The following ARL15 variants were observed in gnomAD, a reference collection of about 807,000 sequenced individuals.
The protein encoded by ARL15 is ADP-ribosylation factor-like protein 15.
Under a neutral mutation model 25.2 loss-of-function variants are expected in ARL15, and 19 were observed. The observed-to-expected ratio is 0.75, with a 90% confidence interval of 0.53 to 1.10. The LOEUF (loss-of-function observed/expected upper bound fraction) is 1.10. Among genes scored for constraint, ARL15 ranks in the 50% least tolerant of loss-of-function variants. The pLI, the probability that ARL15 is intolerant of heterozygous loss-of-function variation, is 0.00. For synonymous variants in ARL15, 94 were observed against 86.8 expected (o/e 1.08, Z -0.46); for missense variants, 220 against 246.0 (o/e 0.89, Z 0.71).
intron 4 of ARL15, among the ~76,000 whole-genome samples, chr5:53,906,783 G>C (rs895225887): frequency 3.9e-5 from 6 of 152,088 alleles, no homozygotes; most frequent in African/African-American, 1.2e-4. Context: ...CATTTGTGCT[G>C]CATCATAGAT....
chr5:53,973,820 G>A (rs1043357909), intron 4 of ARL15, among the ~76,000 whole-genome samples: 17 of 151,828 alleles, frequency 1.1e-4, no homozygotes, highest in Non-Finnish European at 2.4e-4. Flanking sequence ...TTCTGTGAGC[G>A]GGCAATTTTA....
chr5:53,962,561 G>A (rs1341719040), intron 4 of ARL15, among the ~76,000 whole-genome samples: 1 of 152,090 alleles, frequency 6.6e-6, no homozygotes, highest in Non-Finnish European at 1.5e-5. Flanking sequence ...GAATCAGCTT[G>A]TAAAACCTCA....
chr5:54,105,318 T>A (rs531120614), intron 4 of ARL15, among the ~76,000 whole-genome samples: 1 of 152,110 alleles, frequency 6.6e-6, no homozygotes, highest in South Asian at 2.1e-4. Flanking sequence ...AATGAAATGC[T>A]AATTTTTATA....
chr5:54,211,353 C>A (rs1437475137), intron 1 of ARL15, among the ~76,000 whole-genome samples: 1 of 151,906 alleles, frequency 6.6e-6, no homozygotes. Flanking sequence ...CCCTACTCAC[C>A]GAGTGAAAGC....
chr5:53,969,138 G>T (rs779448872), intron 4 of ARL15, among the ~76,000 whole-genome samples: 1 of 151,998 alleles, frequency 6.6e-6, no homozygotes, highest in Non-Finnish European at 1.5e-5. Context: ...GTGACAGAGC[G>T]AGATTCCATC....
chr5:54,229,701 G>A (rs997747528), intron 1 of ARL15, among the ~76,000 whole-genome samples: 5 of 152,078 alleles, frequency 3.3e-5, no homozygotes, highest in African/African-American at 1.2e-4. Context: ...ATTGTTATTC[G>A]GAAGAAGGAG....
intron 1 of ARL15, among the ~76,000 whole-genome samples, chr5:54,211,919 T>G (rs1488761584): frequency 6.6e-6 from 1 of 152,022 alleles, no homozygotes; most frequent in Non-Finnish European, 1.5e-5. Context: ...AAAGAGTAAT[T>G]TGAGTAGGAA....
intron 1 of ARL15, among the ~76,000 whole-genome samples, chr5:54,243,625 G>A (rs1423065987): frequency 6.6e-6 from 1 of 152,194 alleles, no homozygotes; most frequent in Non-Finnish European, 1.5e-5. Context: ...CAAGGAAATG[G>A]TTATTGATGA....
intron 1 of ARL15, among the ~76,000 whole-genome samples, chr5:54,280,732 T>A (rs192044844): frequency 3.9e-5 from 6 of 152,388 alleles, no homozygotes; most frequent in Admixed American, 3.9e-4. Flanking sequence ...CAAGATTACT[T>A]CATGTAAATA....
chr5:53,933,642 C>CAAAAA (rs34912827), intron 4 of ARL15, among the ~76,000 whole-genome samples: 24 of 75,866 alleles, frequency 3.2e-4, no homozygotes, highest in East Asian at 9.8e-4. Context: ...GAGACTGTCT[C>CAAAAA]AAAAAAAAAA....
intron 3 of ARL15, among the ~76,000 whole-genome samples, chr5:54,135,789 T>C (rs906394610): frequency 2.0e-5 from 3 of 152,206 alleles, no homozygotes; most frequent in African/African-American, 4.8e-5. Context: ...AAATGTCTGA[T>C]TTAACAAATA....
chr5:54,171,514 C>T (rs1198339935), intron 2 of ARL15, among the ~76,000 whole-genome samples: 1 of 152,092 alleles, frequency 6.6e-6, no homozygotes, highest in African/African-American at 2.4e-5. Context: ...ATCAGAGTTC[C>T]AGATTTCAGG....
At chr5:54,129,416 G>C (rs1214769147) in intron 3 of ARL15, among the ~76,000 whole-genome samples, 1 of 152,154 alleles carries the variant, frequency 6.6e-6, no homozygotes, top group African/African-American at 2.4e-5. Context: ...TGTGGGTGAT[G>C]GAAGAGAGAG....
At chr5:53,994,637 A>T (rs908638170) in intron 4 of ARL15, among the ~76,000 whole-genome samples, 1 of 151,922 alleles carries the variant, frequency 6.6e-6, no homozygotes, top group Non-Finnish European at 1.5e-5. Flanking sequence ...CCAATCCCTA[A>T]CTCCTGCCAT....
chr5:54,168,252 CTA>C (rs1754630842), intron 2 of ARL15, among the ~76,000 whole-genome samples: 1 of 152,110 alleles, frequency 6.6e-6, no homozygotes, highest in African/African-American at 2.4e-5. Context: ...TCATCCAAAT[CTA>C]TGACTGAGTT....
intron 4 of ARL15, among the ~76,000 whole-genome samples, chr5:54,010,819 G>C (rs1170967701): frequency 6.6e-6 from 1 of 152,060 alleles, no homozygotes; most frequent in Non-Finnish European, 1.5e-5. Context: ...AGAACACGGT[G>C]AAACCCCGTC....
chr5:54,284,837 A>G (rs1647413581), intron 1 of ARL15, among the ~76,000 whole-genome samples: 1 of 152,172 alleles, frequency 6.6e-6, no homozygotes, highest in South Asian at 2.1e-4. Context: ...TCATTCTAAC[A>G]ATAATATTCT....
intron 4 of ARL15, among the ~76,000 whole-genome samples, chr5:54,066,080 T>C (rs946438222): frequency 1.3e-5 from 2 of 152,192 alleles, no homozygotes; most frequent in Non-Finnish European, 2.9e-5. Context: ...CTGTATTTTC[T>C]CTCCTTTTAT....
intron 4 of ARL15, among the ~76,000 whole-genome samples, chr5:54,076,439 AAG>A (rs1401280450): frequency 6.8e-6 from 1 of 146,592 alleles, no homozygotes; most frequent in Non-Finnish European, 1.5e-5. Flanking sequence ...AAAAAAGAAA[AAG>A]AAAAAAAAAG....
Sources: gnomAD v4.1 joint callset for allele counts (sites outside exome capture counted in the v4.1 genomes callset) on GRCh38, gnomAD v4.1.1 for gene constraint, MANE v1.5 for transcripts, NCBI Gene and HGNC (gene_info 2026-07-23, HGNC 2026-07-21) for gene names.